SOCS5: variants seen among roughly 807,000 people sequenced by gnomAD.
SOCS5 encodes the protein suppressor of cytokine signaling 5.
SOCS5 carries 32 observed loss-of-function variants against 42.8 expected under a neutral mutation model. The ratio of observed to expected loss-of-function variants is 0.75; its 90% CI spans 0.56 to 1.01. The LOEUF is 1.01. Ranked by LOEUF, SOCS5 falls within the 50% of genes least tolerant of loss-of-function variation. The pLI, the probability that SOCS5 is intolerant of heterozygous loss-of-function variation, is 0.00. For synonymous variants in SOCS5, 283 were observed against 229.6 expected, an observed-to-expected ratio of 1.23 and a Z score of -2.10; for missense variants, 627 against 653.0, an observed-to-expected ratio of 0.96 and a Z score of 0.43.
intron 1 of SOCS5, among the ~76,000 whole-genome samples, chr2:46,715,068 C>G (rs1672708378): frequency 6.6e-6 from 1 of 152,014 alleles, no homozygotes; most frequent in Admixed American, 6.6e-5. Context: ...TCTGCTTTGT[C>G]AGGCAGTTAC....
chr2:46,739,620 C>G (rs761822282), intron 1 of SOCS5, among the ~76,000 whole-genome samples: 2 of 152,160 alleles, frequency 1.3e-5, no homozygotes, highest in Non-Finnish European at 2.9e-5. Flanking sequence ...TGTGCCCTTT[C>G]CCAGTCATAC....
intron 1 of SOCS5, among the ~76,000 whole-genome samples, chr2:46,751,262 C>T (rs1324809377): frequency 1.3e-5 from 2 of 151,964 alleles, no homozygotes; most frequent in East Asian, 3.9e-4. Flanking sequence ...ACTCTTTTTT[C>T]AAGATTCAGC....
At chr2:46,740,945 A>G (rs1673360632) in intron 1 of SOCS5, among the ~76,000 whole-genome samples, 1 of 152,136 alleles carries the variant, frequency 6.6e-6, no homozygotes, top group Non-Finnish European at 1.5e-5. Context: ...TGCAACCAGA[A>G]GAGACTCATA....
At chr2:46,754,328 A>T (rs940053911) in intron 1 of SOCS5, among the ~76,000 whole-genome samples, 3 of 152,078 alleles carry the variant, frequency 2.0e-5, no homozygotes, top group African/African-American at 7.2e-5. Context: ...TCTTTACAAT[A>T]TTTTTTCCAT....
intron 1 of SOCS5, among the ~76,000 whole-genome samples, chr2:46,716,965 G>A (rs1293871325): frequency 6.6e-6 from 1 of 152,134 alleles, no homozygotes; most frequent in Admixed American, 6.5e-5. Context: ...ATTCATCCCA[G>A]CTGGTTATTG....
At chr2:46,708,064 T>C (rs559393618) in intron 1 of SOCS5, among the ~76,000 whole-genome samples, 2 of 152,226 alleles carry the variant, frequency 1.3e-5, no homozygotes, top group East Asian at 1.9e-4. Context: ...CTGTTTGTAA[T>C]ACACATGGCA....
At chr2:46,757,969 C>T (rs554023723) in intron 1 of SOCS5, among the ~76,000 whole-genome samples, 5 of 152,192 alleles carry the variant, frequency 3.3e-5, no homozygotes, top group Non-Finnish European at 5.9e-5. Flanking sequence ...AAATTTGATA[C>T]ATTATAGGGT....
At position 46,759,322 on chromosome 2, in the gene SOCS5, T is replaced by G. The variant is rs778700251; in HGVS notation, c.792T>G (p.Leu264=). ...CTACAGAAGATGAAGAAGATAGGCT[T>G]AGAGAGAGAAGGCGGCTTAGTATTG... ...LVSTEDEEDR[L]RERRRLSIEE... is the part of the protein sequence containing the mutation. Residue 264 remains leucine (L), a synonymous_variant, in exon 2 of 2, where the codon CTT becomes CTG. Transcript: ENST00000394861. The G allele has an allele frequency of 2.5e-6, 4 of 1,613,808 alleles. No homozygotes were observed. Among genetic ancestry groups the G allele is most frequent in the Non-Finnish European group, 3.4e-6 (4 of 1,179,832 alleles).
chr2:46,715,392 A>G (rs1017431003), intron 1 of SOCS5, among the ~76,000 whole-genome samples: 1 of 151,680 alleles, frequency 6.6e-6, no homozygotes, highest in African/African-American at 2.4e-5. Flanking sequence ...AAAAGAAAAG[A>G]AAAAAGAAAA....
At chr2:46,725,045 G>A (rs1190501280) in intron 1 of SOCS5, among the ~76,000 whole-genome samples, 1 of 151,888 alleles carries the variant, frequency 6.6e-6, no homozygotes, top group Non-Finnish European at 1.5e-5. Flanking sequence ...TTGAAGTTCT[G>A]TTGTTAGGTG....
intron 1 of SOCS5, among the ~76,000 whole-genome samples, chr2:46,747,340 C>T (rs1010903199): frequency 6.6e-6 from 1 of 152,188 alleles, no homozygotes; most frequent in Admixed American, 6.5e-5. Flanking sequence ...CCCACCTCAG[C>T]CTCCAGAGTA....
chr2:46,757,602 C>A (rs1673758829), intron 1 of SOCS5, among the ~76,000 whole-genome samples: 1 of 152,104 alleles, frequency 6.6e-6, no homozygotes, highest in African/African-American at 2.4e-5. Context: ...CATGGTGGCT[C>A]ACACCTGTAA....
At position 46,761,617 on chromosome 2, in the gene SOCS5, T is replaced by C. The variant is rs1372301422; in HGVS notation, c.*1476T>C. ...GTATGTTTGGTGTTCTCCTTGTATA[T>C]CTGCTGTTTTATACATTTGCAACAA... is the stretch of plus-strand genomic sequence containing the variant. On this transcript the variant is annotated 3_prime_UTR_variant, in exon 2 of 2. Transcript: ENST00000394861. The C allele has an allele frequency of 6.0e-6, 1 of 167,036 alleles. No homozygotes were observed. The highest frequency in any genetic ancestry group is 2.4e-5 in the African/African-American group (1 of 41,468). The allele number at this position is 167,036 out of a possible 1,614,324, so 10.3% of individuals were successfully genotyped here. A position where few individuals can be genotyped will look rare whatever the true frequency, so the allele number is the denominator to read the frequency against.
intron 1 of SOCS5, among the ~76,000 whole-genome samples, chr2:46,754,373 C>G (rs898640832): frequency 6.6e-6 from 1 of 152,076 alleles, no homozygotes; most frequent in African/African-American, 2.4e-5. Flanking sequence ...CTACCTAATT[C>G]AGCAGCAGAA....
Position 46,759,522 on chromosome 2 carries a change from T to A in SOCS5, c.992T>A (p.Leu331Gln). 1 of 1,613,992 alleles carries A rather than the reference T, an allele frequency of 6.2e-7. No individual in the cohort carries two copies. The highest frequency in any genetic ancestry group is 1.7e-4 in the Middle Eastern group (1 of 6,056). ...GACTCGGAAGAGGATACAACCACCC[T>A]GTGTTTGCAGTCACGGAGGCAGAAG... ...NCDSEEDTTT[L>Q]CLQSRRQKQR... Residue 331 changes from leucine to glutamine, a missense_variant, in exon 2 of 2, where the codon CTG (leucine) becomes CAG (glutamine). Transcript: ENST00000394861.
At chr2:46,743,380 G>T (rs1673422202) in intron 1 of SOCS5, among the ~76,000 whole-genome samples, 1 of 152,146 alleles carries the variant, frequency 6.6e-6, no homozygotes, top group South Asian at 2.1e-4. Context: ...CTAAACAAGG[G>T]GTGGATTATT....
intron 1 of SOCS5, among the ~76,000 whole-genome samples, chr2:46,710,621 G>T (rs999748852): frequency 2.0e-5 from 3 of 152,100 alleles, no homozygotes; most frequent in African/African-American, 7.2e-5. Flanking sequence ...TCTTCAGTCT[G>T]ATAAAGGGCA....
chr2:46,758,440 G>T, intron 1 of SOCS5, 79 bp from the exon 2 acceptor site: 1 of 902,736 alleles, frequency 1.1e-6, no homozygotes, highest in Non-Finnish European at 1.7e-6. Flanking sequence ...GGACGGGAAG[G>T]GGTGTGGGCA....
intron 1 of SOCS5, among the ~76,000 whole-genome samples, chr2:46,724,517 G>A (rs931609720): frequency 6.6e-6 from 1 of 151,830 alleles, no homozygotes; most frequent in Non-Finnish European, 1.5e-5. Flanking sequence ...AGTATTTAAT[G>A]CCATACATTT....
Sources: allele counts gnomAD v4.1 joint callset (sites outside exome capture counted in the v4.1 genomes callset), GRCh38; gene constraint gnomAD v4.1.1; transcripts MANE v1.5; gene names NCBI Gene and HGNC (gene_info 2026-07-23, HGNC 2026-07-21).